The following SYTL3 variants were observed in gnomAD, a reference collection of about 807,000 sequenced individuals.
SYTL3 encodes the protein synaptotagmin-like protein 3.
In SYTL3, 88 loss-of-function variants were observed where a neutral mutation model predicts 82.1. That is an observed-to-expected ratio of 1.07 (90% CI 0.90 to 1.28). The LOEUF (loss-of-function observed/expected upper bound fraction) is 1.28, where lower values mean the gene tolerates loss of function less well. SYTL3 is among the 50% of genes most tolerant of loss of function. The pLI is 0.00. For synonymous variants in SYTL3, 311 were observed against 289.4 expected, an observed-to-expected ratio of 1.07 and a Z score of -0.76; for missense variants, 831 against 757.6, an observed-to-expected ratio of 1.10 and a Z score of -1.14.
In SYTL3 at chr6:158,727,689, C is replaced by CTTTTTTTTTTT. The variant is rs55657606; in HGVS notation, c.855+2054_855+2064dup. 2.0e-4 allele frequency among the ~76,000 whole-genome samples: 21 copies of CTTTTTTTTTTT among 106,712 alleles called. 5 individuals carry two copies. Among genetic ancestry groups the CTTTTTTTTTTT allele is most frequent in the African/African-American group, 3.0e-4 (7 of 23,072 alleles). 70.0% of individuals were successfully genotyped at this position (106,712 alleles called of 152,430 possible). A position where few individuals can be genotyped will look rare whatever the true frequency, so the allele number is the denominator to read the frequency against. ...CATGTGCGTGTCTCATCCAAGTACT[C>CTTTTTTTTTTT]TTTTTTTTTTTTGAGATGAAGTCTC... On this transcript the variant is annotated intron_variant, in intron 11 of 17. Coordinates refer to ENST00000611299, the MANE Select transcript of SYTL3 (RefSeq NM_001242394.2).
chr6:158,707,387 G>T, intron 7 of SYTL3, 106 bp downstream of exon 7: 1 of 844,528 alleles, frequency 1.2e-6, no homozygotes, highest in South Asian at 1.8e-5. Context: ...TCACTGCTTT[G>T]GAATGTGACT....
intron 6 of SYTL3, among the ~76,000 whole-genome samples, chr6:158,692,773 T>TAAA (rs35173536): frequency 6.6e-5 from 8 of 121,690 alleles, no homozygotes; most frequent in African/African-American, 2.3e-4. Context: ...CCGTCTCTAC[T>TAAA]AAAAAAAAAA....
chr6:158,737,413 T>C (rs571910300), intron 11 of SYTL3, among the ~76,000 whole-genome samples: 1 of 152,346 alleles, frequency 6.6e-6, no homozygotes, highest in Admixed American at 6.5e-5. Context: ...GTGGCTTCAG[T>C]TGACTCTGAG....
intron 5 of SYTL3, among the ~76,000 whole-genome samples, chr6:158,671,686 G>A (rs7752900): frequency 4.7e-5 from 7 of 150,190 alleles, no homozygotes; most frequent in African/African-American, 1.7e-4. Context: ...GAGAATCTCT[G>A]GAACCTGGGA....
intron 11 of SYTL3, among the ~76,000 whole-genome samples, chr6:158,737,739 T>A (rs940818199): frequency 2.6e-5 from 4 of 152,218 alleles, no homozygotes; most frequent in African/African-American, 9.6e-5. Context: ...GCCAGGGCGA[T>A]GGTGGTGGAG....
chr6:158,731,244 A>G (rs1184730057), intron 11 of SYTL3, among the ~76,000 whole-genome samples: 2 of 151,988 alleles, frequency 1.3e-5, no homozygotes, highest in Non-Finnish European at 2.9e-5. Context: ...AGATCACACT[A>G]TTGTACTCCA....
chr6:158,737,163 T>C (rs1428796709), intron 11 of SYTL3, among the ~76,000 whole-genome samples: 1 of 152,202 alleles, frequency 6.6e-6, no homozygotes, highest in African/African-American at 2.4e-5. Flanking sequence ...TGGTTCTAAG[T>C]CTTTTTCCGT....
intron 9 of SYTL3, among the ~76,000 whole-genome samples, chr6:158,716,938 A>G (rs2128468168): frequency 6.6e-6 from 1 of 152,362 alleles, no homozygotes. Context: ...TTTAATGTTG[A>G]TGACATTTTT....
chr6:158,678,316 A>G (rs1778292725), intron 5 of SYTL3, among the ~76,000 whole-genome samples: 2 of 152,148 alleles, frequency 1.3e-5, no homozygotes, highest in Non-Finnish European at 2.9e-5. Flanking sequence ...GTGCAGACCA[A>G]TTTTCTACTT....
chr6:158,701,082 A>G (rs891329811), intron 6 of SYTL3, among the ~76,000 whole-genome samples: 1 of 151,058 alleles, frequency 6.6e-6, no homozygotes, highest in Non-Finnish European at 1.5e-5. Context: ...AGTAACCACA[A>G]TGGGGCCAGC....
chr6:158,731,818 C>T (rs535396208), intron 11 of SYTL3, among the ~76,000 whole-genome samples: 1 of 152,318 alleles, frequency 6.6e-6, no homozygotes, highest in South Asian at 2.1e-4. Context: ...TGATCTTGAT[C>T]TCCTGACCTC....
At chr6:158,724,984 C>A (rs1784530518) in intron 10 of SYTL3, among the ~76,000 whole-genome samples, 1 of 152,094 alleles carries the variant, frequency 6.6e-6, no homozygotes, top group East Asian at 1.9e-4. Flanking sequence ...CACTGCACTG[C>A]AGCCTCCAGT....
At chr6:158,678,229 C>G (rs539765187) in intron 5 of SYTL3, among the ~76,000 whole-genome samples, 1 of 152,194 alleles carries the variant, frequency 6.6e-6, no homozygotes, top group Non-Finnish European at 1.5e-5. Context: ...TGGAGACCTC[C>G]TTGCCACTGG....
chr6:158,713,603 TA>T (rs1055561591), intron 8 of SYTL3, among the ~76,000 whole-genome samples, 196 bp from the exon 9 acceptor site: 16 of 152,136 alleles, frequency 1.1e-4, no homozygotes, highest in Non-Finnish European at 2.4e-4. Context: ...AGAAGATGCC[TA>T]CCCCTCAGGA....
In SYTL3 at chr6:158,711,736, G is replaced by C. The variant is rs190842196; in HGVS notation, c.517-2064G>C. 3.5e-4 allele frequency among the ~76,000 whole-genome samples: 53 copies of C among 152,312 alleles called. 2 individuals are homozygous for C. Among genetic ancestry groups the C allele is most frequent in the African/African-American group, 1.1e-3 (44 of 41,558 alleles). On this transcript the variant is annotated intron_variant, in intron 8 of 17. Transcript: ENST00000611299. ...TATTTCTCAATGATATGCTCAACAA[G>C]GGGTGGATTATTCATGCCTCCCCTT...
intron 6 of SYTL3, among the ~76,000 whole-genome samples, chr6:158,690,259 G>T (rs1779722540): frequency 1.3e-5 from 2 of 152,234 alleles, no homozygotes. Flanking sequence ...ATTGAGCAGG[G>T]ATCTGCTCAT....
At chr6:158,755,529 G>A (rs1225394035) in intron 13 of SYTL3, among the ~76,000 whole-genome samples, 1 of 152,228 alleles carries the variant, frequency 6.6e-6, no homozygotes, top group East Asian at 1.9e-4. Context: ...TGCCTGGCCC[G>A]CAGACATCAG....
intron 9 of SYTL3, among the ~76,000 whole-genome samples, chr6:158,714,972 C>G (rs1026564096): frequency 2.6e-5 from 4 of 152,188 alleles, no homozygotes; most frequent in African/African-American, 9.7e-5. Context: ...AGGGAGGAAG[C>G]AGCTGAATTT....
intron 13 of SYTL3, among the ~76,000 whole-genome samples, chr6:158,753,692 T>A (rs1326173361): frequency 7.3e-6 from 1 of 137,616 alleles, no homozygotes; most frequent in Non-Finnish European, 1.5e-5. Context: ...ATAGCGCCAC[T>A]ACACTCCAGC....
Sources: gnomAD v4.1 joint callset for allele counts (sites outside exome capture counted in the v4.1 genomes callset) on GRCh38, gnomAD v4.1.1 for gene constraint, MANE v1.5 for transcripts, NCBI Gene and HGNC (gene_info 2026-07-23, HGNC 2026-07-21) for gene names.